The following ATRNL1 variants were observed in gnomAD, a reference collection of about 807,000 sequenced individuals.
ATRNL1 encodes the protein attractin-like protein 1.
A neutral mutation model predicts 182.7 loss-of-function variants in ATRNL1; 95 were observed. The ratio of observed to expected loss-of-function variants is 0.52; its 90% CI spans 0.44 to 0.62. The LOEUF (loss-of-function observed/expected upper bound fraction) is 0.62. Among genes scored for constraint, ATRNL1 ranks in the 20% least tolerant of loss-of-function variants. The pLI is 0.00. For missense variants in ATRNL1, 1,471 were observed against 1,679.5 expected, an observed-to-expected ratio of 0.88 and a Z score of 2.17; for synonymous variants, 576 against 568.3, an observed-to-expected ratio of 1.01 and a Z score of -0.19.
At chr10:115,620,767 G>A (rs1412437832) in intron 26 of ATRNL1, among the ~76,000 whole-genome samples, 7 of 152,156 alleles carry the variant, frequency 4.6e-5, no homozygotes, top group Non-Finnish European at 8.8e-5. Context: ...TTACCCTGTA[G>A]ACACAACATA....
intron 1 of ATRNL1, among the ~76,000 whole-genome samples, chr10:115,114,402 T>G (rs899587878): frequency 6.6e-6 from 1 of 152,070 alleles, no homozygotes; most frequent in Non-Finnish European, 1.5e-5. Context: ...CAAATGGTAT[T>G]GAATCAAGAA....
At chr10:115,476,684 A>G (rs532921853) in intron 24 of ATRNL1, among the ~76,000 whole-genome samples, 2 of 151,276 alleles carry the variant, frequency 1.3e-5, no homozygotes, top group African/African-American at 2.4e-5. Flanking sequence ...CCAAATATCT[A>G]TCCTCTGTCA....
intron 5 of ATRNL1, among the ~76,000 whole-genome samples, chr10:115,151,000 C>T (rs1846200549): frequency 6.6e-6 from 1 of 152,124 alleles, no homozygotes; most frequent in Non-Finnish European, 1.5e-5. Flanking sequence ...CGATAGTTTG[C>T]TGAGAATGAT....
intron 28 of ATRNL1, among the ~76,000 whole-genome samples, chr10:115,918,311 C>T (rs1233624785): frequency 6.6e-6 from 1 of 151,990 alleles, no homozygotes; most frequent in African/African-American, 2.4e-5. Context: ...CCATGTTGGC[C>T]GGGCTGGTCT....
chr10:115,365,533 T>G (rs1205934510), intron 19 of ATRNL1, among the ~76,000 whole-genome samples: 4 of 152,226 alleles, frequency 2.6e-5, no homozygotes, highest in African/African-American at 9.6e-5. Context: ...AATTCTGCTC[T>G]GATTTTAGTT....
intron 26 of ATRNL1, among the ~76,000 whole-genome samples, chr10:115,580,510 CA>C (rs1262911875): frequency 6.6e-6 from 1 of 151,964 alleles, no homozygotes; most frequent in East Asian, 1.9e-4. Context: ...TCACTGCTTT[CA>C]AAATTCTCTC....
intron 26 of ATRNL1, among the ~76,000 whole-genome samples, chr10:115,644,572 G>T (rs113086111): frequency 6.6e-6 from 1 of 152,110 alleles, no homozygotes; most frequent in East Asian, 1.9e-4. Flanking sequence ...ACAGACCTGG[G>T]TTCAAATCCT....
intron 1 of ATRNL1, among the ~76,000 whole-genome samples, chr10:115,095,386 T>G (rs570376395): frequency 1.1e-3 from 167 of 150,744 alleles, no homozygotes; most frequent in Non-Finnish European, 1.8e-3. Flanking sequence ...AAAAAAAAAC[T>G]TACTATTACT....
At chr10:115,319,640 G>A (rs148530948) in intron 18 of ATRNL1, among the ~76,000 whole-genome samples, 1,957 of 150,820 alleles carry the variant, frequency 0.013, 38 homozygotes, top group African/African-American at 0.044. Context: ...ATTATGTAAT[G>A]CCTTTTTTTT....
At chr10:115,651,969 A>G (rs1437964063) in intron 26 of ATRNL1, among the ~76,000 whole-genome samples, 2 of 152,116 alleles carry the variant, frequency 1.3e-5, no homozygotes, top group African/African-American at 4.8e-5. Flanking sequence ...AATGAAAACA[A>G]CTGTAGTAAC....
At chr10:115,290,658 C>T (rs1852857066) in intron 15 of ATRNL1, among the ~76,000 whole-genome samples, 1 of 151,888 alleles carries the variant, frequency 6.6e-6, no homozygotes, top group African/African-American at 2.4e-5. Flanking sequence ...CTGCAGCCCC[C>T]CACCCCCGTC....
intron 26 of ATRNL1, among the ~76,000 whole-genome samples, chr10:115,563,487 T>C (rs1210129182): frequency 4.6e-5 from 7 of 152,196 alleles, no homozygotes; most frequent in Non-Finnish European, 1.0e-4. Flanking sequence ...AACAGGCATT[T>C]ATATACAGAT....
intron 9 of ATRNL1, among the ~76,000 whole-genome samples, chr10:115,228,565 G>C (rs1849792753): frequency 6.6e-6 from 1 of 152,068 alleles, no homozygotes; most frequent in Admixed American, 6.6e-5. Flanking sequence ...GGAGACCTCA[G>C]ATTTTCTTGG....
intron 19 of ATRNL1, among the ~76,000 whole-genome samples, chr10:115,370,650 G>A (rs1857345664): frequency 6.6e-6 from 1 of 152,240 alleles, no homozygotes; most frequent in Non-Finnish European, 1.5e-5. Flanking sequence ...AATTCAAGAA[G>A]TGACTTGGGT....
intron 28 of ATRNL1, among the ~76,000 whole-genome samples, chr10:115,852,685 TGG>T: frequency 6.6e-6 from 1 of 152,268 alleles, no homozygotes; most frequent in South Asian, 2.1e-4. Flanking sequence ...TGTGTCCCTG[TGG>T]ATAAAGATAC....
intron 26 of ATRNL1, among the ~76,000 whole-genome samples, chr10:115,695,059 T>A (rs1946516028): frequency 6.6e-6 from 1 of 152,044 alleles, no homozygotes; most frequent in African/African-American, 2.4e-5. Flanking sequence ...AAAGGAATAC[T>A]GTTTTTCATA....
intron 26 of ATRNL1, among the ~76,000 whole-genome samples, chr10:115,557,287 A>G (rs1202132465): frequency 6.6e-6 from 1 of 152,154 alleles, no homozygotes; most frequent in Non-Finnish European, 1.5e-5. Flanking sequence ...GCTGAGTAGG[A>G]AGCTAAATTT....
intron 21 of ATRNL1, among the ~76,000 whole-genome samples, chr10:115,454,328 G>A (rs1410165112): frequency 6.6e-6 from 1 of 151,852 alleles, no homozygotes; most frequent in Non-Finnish European, 1.5e-5. Flanking sequence ...TGAAATCAGG[G>A]GTATGATACC....
intron 27 of ATRNL1, among the ~76,000 whole-genome samples, chr10:115,743,067 A>G (rs782441433): frequency 6.5e-4 from 99 of 152,128 alleles, no homozygotes; most frequent in Non-Finnish European, 7.5e-4. Flanking sequence ...ACATCTCATG[A>G]GAACTCACTC....
Sources: allele counts gnomAD v4.1 joint callset (sites outside exome capture counted in the v4.1 genomes callset), GRCh38; gene constraint gnomAD v4.1.1; transcripts MANE v1.5; gene names NCBI Gene and HGNC (gene_info 2026-07-23, HGNC 2026-07-21).